The following ADGRV1 variants were observed in gnomAD, a reference collection of about 807,000 sequenced individuals.
The protein encoded by ADGRV1 is G-protein coupled receptor 98.
ADGRV1 carries 359 observed loss-of-function variants against 596.2 expected under a neutral mutation model. The observed-to-expected ratio is 0.60, with a 90% CI of 0.55 to 0.66. ADGRV1 has a LOEUF of 0.66. Ranked by LOEUF, ADGRV1 falls within the 30% of genes least tolerant of loss-of-function variation. The pLI is 0.00. For synonymous variants in ADGRV1, 2,681 were observed against 2,679.2 expected (o/e 1.00, Z -0.02); for missense variants, 7,274 against 7,575.6 (o/e 0.96, Z 1.48).
intron 88 of ADGRV1, among the ~76,000 whole-genome samples, chr5:91,152,202 C>T (rs529752109): frequency 6.6e-5 from 10 of 152,212 alleles, no homozygotes; most frequent in African/African-American, 1.9e-4. Flanking sequence ...AAAAACCATG[C>T]AGAGAAGGGA....
intron 1 of ADGRV1, among the ~76,000 whole-genome samples, chr5:90,593,798 A>T (rs536404460): frequency 6.6e-6 from 1 of 152,046 alleles, no homozygotes; most frequent in Non-Finnish European, 1.5e-5. Flanking sequence ...TGATCTTGGT[A>T]GGAGTTTTTT....
At chr5:91,140,648 A>G (rs1276887021) in intron 87 of ADGRV1, among the ~76,000 whole-genome samples, 6 of 152,080 alleles carry the variant, frequency 3.9e-5, no homozygotes, top group African/African-American at 1.4e-4. Context: ...AATCTTCTCT[A>G]CCCCTCAATC....
At position 90,629,389 on chromosome 5, in the gene ADGRV1, A is replaced by T; in HGVS notation, c.1689A>T (p.Gly563=). The change falls in exon 9 of 90, where the codon GGA becomes GGT. Residue 563 remains glycine (G), a synonymous_variant. Coordinates refer to ENST00000405460, the MANE Select transcript of ADGRV1 (RefSeq NM_032119.4). ...LLYSVLYIPA[G]AVDPLQAKEG... is the part of the protein sequence containing the mutation. Reference sequence around the variant, plus strand: ...ATTCTGTACTTTACATTCCTGCTGGAGCTGTGGACCCCTTGCAAGCAAAAG... The same window carrying T: ...ATTCTGTACTTTACATTCCTGCTGGTGCTGTGGACCCCTTGCAAGCAAAAG... 1 of 1,613,624 alleles carries T rather than the reference A, an allele frequency of 6.2e-7. No individual in the cohort carries two copies. Among genetic ancestry groups the T allele is most frequent in the African/African-American group, 1.3e-5 (1 of 74,952 alleles).
intron 78 of ADGRV1, among the ~76,000 whole-genome samples, chr5:90,847,875 C>G (rs1246751268): frequency 6.6e-6 from 1 of 152,146 alleles, no homozygotes; most frequent in Non-Finnish European, 1.5e-5. Context: ...GGAGCCGGTT[C>G]CCGCCTCGGC....
At chr5:90,662,224 C>T (rs1191120298) in intron 21 of ADGRV1, among the ~76,000 whole-genome samples, 1 of 130,658 alleles carries the variant, frequency 7.7e-6, no homozygotes, top group African/African-American at 3.0e-5. Context: ...GAGTCACGCT[C>T]TGTCGCCCAC....
intron 50 of ADGRV1, among the ~76,000 whole-genome samples, chr5:90,739,541 G>A (rs1753689071): frequency 6.6e-6 from 1 of 152,140 alleles, no homozygotes; most frequent in African/African-American, 2.4e-5. Flanking sequence ...ATTTGGGCTG[G>A]GCTGTTACCT....
intron 17 of ADGRV1, among the ~76,000 whole-genome samples, chr5:90,649,620 T>C (rs565737355): frequency 6.6e-6 from 1 of 152,112 alleles, no homozygotes; most frequent in Admixed American, 6.5e-5. Flanking sequence ...TCCTGAGTAG[T>C]TGGGACTACA....
rs768402572 is a variant in ADGRV1, at chr5:91,072,642, A to G, written c.18310+38A>G. 3.8e-6 allele frequency: 6 copies of G among 1,586,232 alleles called. No homozygotes were observed. In the South Asian group the frequency reaches 4.6e-5, roughly 12 times the overall value. Reference sequence around the variant, plus strand: ...CTATATTTGTACTTTGGAGATGGAAACGCTTTAATGGTGGGAAAATGTCAC... The same window carrying G: ...CTATATTTGTACTTTGGAGATGGAAGCGCTTTAATGGTGGGAAAATGTCAC... On this transcript the variant is annotated intron_variant, in intron 86 of 89. Coordinates refer to ENST00000405460, the MANE Select transcript of ADGRV1 (RefSeq NM_032119.4).
intron 73 of ADGRV1, among the ~76,000 whole-genome samples, chr5:90,809,562 A>G (rs1762251650): frequency 6.6e-6 from 1 of 152,180 alleles, no homozygotes; most frequent in African/African-American, 2.4e-5. Context: ...TGGGACCTGA[A>G]GAATCCTCCC....
At chr5:90,877,114 G>A (rs969327960) in intron 83 of ADGRV1, among the ~76,000 whole-genome samples, 1 of 152,192 alleles carries the variant, frequency 6.6e-6, no homozygotes, top group African/African-American at 2.4e-5. Flanking sequence ...CAATAAAAAT[G>A]CTTAGCTGTC....
At position 90,807,876 on chromosome 5, in the gene ADGRV1, G is replaced by C. The variant is rs1046885443; in HGVS notation, c.14972+139G>C. The C allele has an allele frequency of 8.3e-6, 6 of 720,688 alleles. No individual in the cohort carries two copies. In the African/African-American group the frequency reaches 1.1e-4, roughly 13 times the overall value. 44.6% of individuals were successfully genotyped at this position (720,688 alleles called of 1,614,324 possible). The stretch of plus-strand genomic sequence containing the variant: ...GTTTTAGTGTAGAGCATCACGTGGC[G>C]TGCATGCTGGAGAGGGAGGTGGCTC... On this transcript the variant is annotated intron_variant, in intron 73 of 89. Transcript: ENST00000405460.
intron 79 of ADGRV1, among the ~76,000 whole-genome samples, chr5:90,850,462 G>A (rs966996831): frequency 6.6e-6 from 1 of 152,150 alleles, no homozygotes; most frequent in South Asian, 2.1e-4. Flanking sequence ...CTCTAATGCT[G>A]TCTTCAGAAA....
intron 50 of ADGRV1, among the ~76,000 whole-genome samples, chr5:90,729,970 A>G (rs1258796616): frequency 1.3e-5 from 2 of 151,604 alleles, no homozygotes; most frequent in Non-Finnish European, 2.9e-5. Flanking sequence ...AGGTTCCGCT[A>G]TTCTCCTGCC....
intron 83 of ADGRV1, among the ~76,000 whole-genome samples, chr5:90,909,404 G>T (rs1236262219): frequency 6.6e-6 from 1 of 151,996 alleles, no homozygotes; most frequent in Admixed American, 6.6e-5. Flanking sequence ...CCTATATGTT[G>T]TAACGTTTGC....
chr5:90,681,856 T>C (rs945232122), intron 27 of ADGRV1, among the ~76,000 whole-genome samples: 1 of 142,302 alleles, frequency 7.0e-6, no homozygotes, highest in Non-Finnish European at 1.5e-5. Context: ...CTTCTTTCCT[T>C]CCTTCCTTCC....
chr5:90,712,485 T>C (rs1749494099), intron 42 of ADGRV1, 57 bp downstream of exon 42: 2 of 1,256,398 alleles, frequency 1.6e-6, no homozygotes, highest in Admixed American at 2.2e-5. Context: ...TTCCTTAATA[T>C]GGGGGAAGAT....
intron 86 of ADGRV1, among the ~76,000 whole-genome samples, chr5:91,087,420 C>T (rs1789979951): frequency 6.6e-6 from 1 of 152,032 alleles, no homozygotes; most frequent in African/African-American, 2.4e-5. Flanking sequence ...CCTCAGCCTC[C>T]CAAGTAGCTG....
intron 87 of ADGRV1, among the ~76,000 whole-genome samples, chr5:91,140,859 T>A (rs1006191810): frequency 6.6e-6 from 1 of 152,180 alleles, no homozygotes; most frequent in African/African-American, 2.4e-5. Flanking sequence ...CTTAACAGAA[T>A]CATGAAGAAC....
rs769830439 is a variant in ADGRV1, at chr5:90,783,303, T to G, written c.13411T>G (p.Ser4471Ala). Residue 4471 changes from serine to alanine, a missense_variant, in exon 66 of 90, where the codon TCC (serine) becomes GCC (alanine). Physicochemically the swap from Ser to Ala is moderately conservative, Grantham distance 99. Transcript: ENST00000405460. ...GCAAAACTTAAGTTTTATAAATATC[T>G]CCATCATTGATGACAATGAAAGGTT... ...HGQNLSFINI[S>A]IIDDNESEFE... 26 of 1,611,226 alleles carry G rather than the reference T, an allele frequency of 1.6e-5. No homozygotes were observed. Among genetic ancestry groups the G allele is most frequent in the Non-Finnish European group, 2.2e-5 (26 of 1,177,732 alleles).
Sources: gnomAD v4.1 joint callset for allele counts (sites outside exome capture counted in the v4.1 genomes callset) on GRCh38, gnomAD v4.1.1 for gene constraint, MANE v1.5 for transcripts, NCBI Gene and HGNC (gene_info 2026-07-23, HGNC 2026-07-21) for gene names.